NOL6: variants seen among roughly 807,000 people sequenced by gnomAD.
NOL6 encodes the protein nucleolar protein 6.
Under a neutral mutation model 131.7 loss-of-function variants are expected in NOL6, and 33 were observed. The observed-to-expected ratio is 0.25, with a 90% CI of 0.19 to 0.33. The LOEUF (loss-of-function observed/expected upper bound fraction) is 0.33. Among genes scored for constraint, NOL6 ranks in the 10% least tolerant of loss-of-function variants. The probability of loss-of-function intolerance (pLI) is 1.00; values close to 1 mark genes in which losing one functional copy is unlikely to be tolerated. For missense variants in NOL6, 1,297 were observed against 1,494.5 expected (o/e 0.87, Z 2.18); for synonymous variants, 580 against 605.7 (o/e 0.96, Z 0.62).
rs957309310 is a variant in NOL6, at chr9:33,473,898, T to C, written c.-56A>G. The C allele has an allele frequency of 5.0e-6, 8 of 1,592,346 alleles. No individual in the cohort carries two copies. The Admixed American group carries it at 8.5e-5, about 17-fold the overall frequency. Reference sequence around the variant, plus strand: ...AGATTCTAGCCGGGTCTATACCTCATAGCTTCCCACGTGGGCGGAAATGCC... The same window carrying C: ...AGATTCTAGCCGGGTCTATACCTCACAGCTTCCCACGTGGGCGGAAATGCC... On this transcript the variant is annotated 5_prime_UTR_variant, in exon 1 of 26. The change abolishes an upstream ATG in the 5' untranslated region. Transcript: ENST00000297990.
At position 33,473,864 on chromosome 9, in the gene NOL6, C is replaced by T. The variant is rs753042558; in HGVS notation, c.-22G>A. 28 of 1,594,230 alleles carry T rather than the reference C, an allele frequency of 1.8e-5. No homozygotes were observed. In the South Asian group the frequency reaches 2.6e-4, roughly 15 times the overall value. On this transcript the variant is annotated 5_prime_UTR_variant, in exon 1 of 26. Transcript: ENST00000297990. ...CCATCACTCAGGGTCCAGCACTCTCCCGCACTTCAGATTCTAGCCGGGTCT... is the reference window on the plus strand; with the variant it reads ...CCATCACTCAGGGTCCAGCACTCTCTCGCACTTCAGATTCTAGCCGGGTCT...
rs1827141165 is a variant in NOL6, at chr9:33,463,071, G to A, written c.3253C>T (p.Leu1085Phe). 3.1e-6 allele frequency: 5 copies of A among 1,613,856 alleles called. No individual in the cohort carries two copies. The highest frequency in any genetic ancestry group is 1.7e-5 in the Admixed American group (1 of 59,982). ...GGCTGGAAGCTGGTGGGCTTCCAGAGGACACCAATCACCTCTCCACCATGC... is the reference window on the plus strand; with the variant it reads ...GGCTGGAAGCTGGTGGGCTTCCAGAAGACACCAATCACCTCTCCACCATGC... The part of the protein sequence containing the change: ...DQHGGEVIGV[L>F]WKPTSFQPQP... Residue 1085 changes from leucine (L) to phenylalanine (F), a missense_variant, in exon 25 of 26, where the codon CTC (leucine) becomes TTC (phenylalanine). Leu to Phe is a conservative substitution (Grantham distance 22, BLOSUM62 0). Coordinates refer to ENST00000297990, the MANE Select transcript of NOL6 (RefSeq NM_022917.5).
chr9:33,463,732 C>A, intron 23 of NOL6, 99 bp downstream of exon 23: 1 of 1,315,474 alleles, frequency 7.6e-7, no homozygotes, highest in South Asian at 1.3e-5. Context: ...TCAGTCTCAC[C>A]AAACAAGGGG....
At position 33,462,513 on chromosome 9, in the gene NOL6, C is replaced by T. The variant is rs1473514431; in HGVS notation, c.*151G>A. On this transcript the variant is annotated 3_prime_UTR_variant, in exon 26 of 26. Coordinates refer to ENST00000297990, the MANE Select transcript of NOL6 (RefSeq NM_022917.5). ...TGGAGCATCAGAGAGAAAGTTGGGGCTGGGTTTTGTTGGAGATGATTCAGC... is the reference window on the plus strand; with the variant it reads ...TGGAGCATCAGAGAGAAAGTTGGGGTTGGGTTTTGTTGGAGATGATTCAGC... 1 of 862,110 alleles carries T rather than the reference C, an allele frequency of 1.2e-6. No homozygotes were observed. Among genetic ancestry groups the T allele is most frequent in the Non-Finnish European group, 1.8e-6 (1 of 561,934 alleles). 53.4% of individuals were successfully genotyped at this position (862,110 alleles called of 1,614,324 possible).
At chr9:33,466,837 G>A in intron 15 of NOL6, 75 bp downstream of exon 15, 1 of 1,577,312 alleles carries the variant, frequency 6.3e-7, no homozygotes, top group African/African-American at 1.3e-5. Context: ...AGTGCAAGCT[G>A]GCCAAGGCTG....
At position 33,472,033 on chromosome 9, in the gene NOL6, C is replaced by T; in HGVS notation, c.349G>A (p.Val117Met). The T allele has an allele frequency of 6.2e-7, 1 of 1,612,644 alleles. No individual in the cohort carries two copies. The highest frequency in any genetic ancestry group is 1.1e-5 in the South Asian group (1 of 91,016). Residue 117 changes from valine to methionine, a missense_variant, in exon 3 of 26, where the codon GTG becomes ATG. Physicochemically the swap from Val to Met is conservative, Grantham distance 21. Coordinates refer to ENST00000297990, the MANE Select transcript of NOL6 (RefSeq NM_022917.5). ...AFLREVNQRV[V>M]RVPSVPETEL... Reference sequence around the variant, plus strand: ...GTCTCAGGGACTGAGGGCACCCTCACAACCCGCTGGTTGACCTCCCGTAGG... The same window carrying T: ...GTCTCAGGGACTGAGGGCACCCTCATAACCCGCTGGTTGACCTCCCGTAGG...
chr9:33,468,119 C>G lies in NOL6; in HGVS notation c.1335G>C (p.Met445Ile). 1 of 1,614,182 alleles carries G rather than the reference C, an allele frequency of 6.2e-7. No homozygotes were observed. The highest frequency in any genetic ancestry group is 8.5e-7 in the Non-Finnish European group (1 of 1,180,032). ...HQVQHEARLS[M>I]MLLDSRADDG... ...CGTCAGCTCTGCTGTCCAGCAACAT[C>G]ATAGACAGCCGTGCCTCATGCTGTA... Residue 445 changes from methionine to isoleucine, a missense_variant, in exon 11 of 26, where the codon ATG becomes ATC. Physicochemically the swap from Met to Ile is conservative, Grantham distance 10 (BLOSUM62 1). Transcript: ENST00000297990.
intron 19 of NOL6, 28 bp from the exon 20 acceptor site, chr9:33,465,387 G>C: frequency 6.4e-7 from 1 of 1,561,768 alleles, no homozygotes; most frequent in South Asian, 1.2e-5. Flanking sequence ...GTGTCAGCGA[G>C]ACTCAGGGCC....
chr9:33,471,094 G>A (rs1827400179), intron 3 of NOL6, among the ~76,000 whole-genome samples: 1 of 152,136 alleles, frequency 6.6e-6, no homozygotes, highest in East Asian at 1.9e-4. Context: ...CCAACATGGT[G>A]AAACCCCCTC....
At position 33,462,702 on chromosome 9, in the gene NOL6, G is replaced by A. The variant is rs1440857450; in HGVS notation, c.3403C>T (p.Gln1135Ter). 1.2e-6 allele frequency: 2 copies of A among 1,614,024 alleles called. No homozygotes were observed. The highest frequency in any genetic ancestry group is 2.7e-5 in the African/African-American group (2 of 74,890). Residue 1135 changes from glutamine (Q) to a stop codon, truncating the protein, a stop_gained, in exon 26 of 26, where the codon CAG becomes TAG. Coordinates refer to ENST00000297990, the MANE Select transcript of NOL6 (RefSeq NM_022917.5). LOFTEE classifies it high-confidence loss of function. The part of the protein sequence containing the change: ...DFAVLGEGLV[Q>*]TVEARSERWT... ...CTCTCACTTCGGGCCTCCACAGTCT[G>A]CACCAGGCCTTCACCCAGCACAGCA...
rs115581386 is a variant in NOL6, at chr9:33,466,613, C to T, written c.2047G>A (p.Val683Met). Residue 683 changes from valine (V) to methionine (M), a missense_variant, in exon 16 of 26, where the codon GTG becomes ATG. Coordinates refer to ENST00000297990, the MANE Select transcript of NOL6 (RefSeq NM_022917.5). ...LWGLEGLPLT[V>M]SAVQGAHPVL... Reference sequence around the variant, plus strand: ...GGGTGAGCTCCCTGAACAGCAGACACGGTCAGTGGGAGACCCTCTAGCCCC... The same window carrying T: ...GGGTGAGCTCCCTGAACAGCAGACATGGTCAGTGGGAGACCCTCTAGCCCC... 46 of 1,614,120 alleles carry T rather than the reference C, an allele frequency of 2.8e-5. No homozygotes were observed. Among genetic ancestry groups the T allele is most frequent in the South Asian group, 9.9e-5 (9 of 91,090 alleles).
Position 33,463,094 on chromosome 9 carries a change from T to A in NOL6, c.3230A>T (p.His1077Leu). Residue 1077 changes from histidine to leucine, a missense_variant, in exon 25 of 26, where the codon CAT becomes CTT. By Grantham distance (99) the His-to-Leu change is moderately conservative (BLOSUM62 -3). Coordinates refer to ENST00000297990, the MANE Select transcript of NOL6 (RefSeq NM_022917.5). ...GAGGACACCAATCACCTCTCCACCATGCTGGTCATAGAAGAAAAGGGCCAG... is the reference window on the plus strand; with the variant it reads ...GAGGACACCAATCACCTCTCCACCAAGCTGGTCATAGAAGAAAAGGGCCAG... ...GDLALFFYDQ[H>L]GGEVIGVLWK... The A allele has an allele frequency of 6.2e-7, 1 of 1,613,898 alleles. No homozygotes were observed. The highest frequency in any genetic ancestry group is 8.5e-7 in the Non-Finnish European group (1 of 1,179,900).
rs768268345 is a variant in NOL6 at position 33,463,899 on chromosome 9, G to A, written c.2926C>T (p.Leu976=). 3.7e-6 allele frequency: 6 copies of A among 1,614,032 alleles called. No individual in the cohort carries two copies. The Admixed American group carries it at 8.3e-5, about 22-fold the overall frequency. Residue 976 remains leucine, a synonymous_variant, in exon 23 of 26, where the codon CTG becomes TTG. Transcript: ENST00000297990. ...AACATGGGCAGGGCTTCAGCTGCCAGGACCACAAGCTGCTGCAGGATCTGC... is the reference window on the plus strand; with the variant it reads ...AACATGGGCAGGGCTTCAGCTGCCAAGACCACAAGCTGCTGCAGGATCTGC... ...SAQILQQLVV[L]AAEALPMLEK... is the part of the protein sequence containing the mutation.
In NOL6 at chr9:33,469,035, T is replaced by C. The variant is rs759774158; in HGVS notation, c.949A>G (p.Ile317Val). ...TTCAGGCCCTGGGCTGAACTCAGAA[T>C]GGTTGACAGCAGCTGCAAATGGGAC... ...LESHLQLLST[I>V]LSSAQGLKDG... The change falls in exon 7 of 26, where the codon ATT becomes GTT. Residue 317 changes from isoleucine to valine, a missense_variant. Physicochemically the swap from Ile to Val is conservative, Grantham distance 29 (BLOSUM62 3). Coordinates refer to ENST00000297990, the MANE Select transcript of NOL6 (RefSeq NM_022917.5). 1.7e-5 allele frequency: 28 copies of C among 1,614,044 alleles called. No homozygotes were observed. Among genetic ancestry groups the C allele is most frequent in the South Asian group, 6.6e-5 (6 of 91,088 alleles).
At position 33,462,740 on chromosome 9, in the gene NOL6, A is replaced by T. The variant is rs766114550; in HGVS notation, c.3365T>A (p.Ile1122Asn). Residue 1122 changes from isoleucine to asparagine, a missense_variant, in exon 26 of 26, where the codon ATC becomes AAC. Coordinates refer to ENST00000297990, the MANE Select transcript of NOL6 (RefSeq NM_022917.5). ...ELVMVPNVEA[I>N]LEDFAVLGEG... ...ACCCAGCACAGCAAAGTCCTCCAGGATTGCTTCAACATTGGGCACCATTAC... is the reference window on the plus strand; with the variant it reads ...ACCCAGCACAGCAAAGTCCTCCAGGTTTGCTTCAACATTGGGCACCATTAC... The T allele has an allele frequency of 1.2e-6, 2 of 1,614,128 alleles. No homozygotes were observed. Among genetic ancestry groups the T allele is most frequent in the Non-Finnish European group, 1.7e-6 (2 of 1,180,030 alleles).
intron 21 of NOL6, among the ~76,000 whole-genome samples, chr9:33,464,622 C>T (rs1198170379): frequency 9.9e-5 from 15 of 152,098 alleles, no homozygotes; most frequent in Admixed American, 2.0e-4. Context: ...TATTCAGGAT[C>T]CCCCTTCTAT....
chr9:33,466,757 C>A (rs2119018022), intron 15 of NOL6, 48 bp from the exon 16 acceptor site: 2 of 1,604,756 alleles, frequency 1.2e-6, no homozygotes, highest in Non-Finnish European at 1.7e-6. Context: ...AGAAGGCCAG[C>A]TTCACCTGGA....
chr9:33,465,110 C>T (rs1305478803), intron 20 of NOL6, 97 bp downstream of exon 20: 6 of 1,497,598 alleles, frequency 4.0e-6, no homozygotes, highest in South Asian at 3.8e-5. Context: ...GCCACTTGCT[C>T]AACCACCCAT....
Position 33,469,080 on chromosome 9 carries a change from G to A in NOL6, c.904C>T (p.Leu302=). The part of the protein sequence containing the change: ...PPTPRYNTWV[L]QDTVLESHLQ... ...TGGGACTCGAGAACTGTATCTTGCA[G>A]GACCCATGTGTTATAGCGGGGGGTA... Residue 302 remains leucine, a synonymous_variant, in exon 7 of 26, where the codon CTG becomes TTG. Coordinates refer to ENST00000297990, the MANE Select transcript of NOL6 (RefSeq NM_022917.5). 1 of 1,614,242 alleles carries A rather than the reference G, an allele frequency of 6.2e-7. No individual in the cohort carries two copies. Among genetic ancestry groups the A allele is most frequent in the Non-Finnish European group, 8.5e-7 (1 of 1,180,050 alleles).
Sources: gnomAD v4.1 joint callset for allele counts (sites outside exome capture counted in the v4.1 genomes callset) on GRCh38, gnomAD v4.1.1 for gene constraint, MANE v1.5 for transcripts, NCBI Gene and HGNC (gene_info 2026-07-23, HGNC 2026-07-21) for gene names.